Variants in VPS13C observed in about 807,000 individuals in gnomAD.
The protein encoded by VPS13C is intermembrane lipid transfer protein VPS13C.
In VPS13C, 358 loss-of-function variants were observed where a neutral mutation model predicts 456.8. That is an observed-to-expected ratio of 0.78 (90% CI 0.72 to 0.86). VPS13C has a LOEUF of 0.86. Ranked by LOEUF, VPS13C falls within the 40% of genes least tolerant of loss-of-function variation. The pLI, the probability that VPS13C is intolerant of heterozygous loss-of-function variation, is 0.00. For missense variants in VPS13C, 4,818 were observed against 4,385.4 expected, an observed-to-expected ratio of 1.10 and a Z score of -2.79; for synonymous variants, 1,578 against 1,486.7, an observed-to-expected ratio of 1.06 and a Z score of -1.41.
At chr15:61,914,541 C>A (rs2043402441) in intron 61 of VPS13C, among the ~76,000 whole-genome samples, 1 of 151,706 alleles carries the variant, frequency 6.6e-6, no homozygotes, top group African/African-American at 2.4e-5. Flanking sequence ...TGCACTCCAG[C>A]CTGGGCAACA....
Position 61,910,215 on chromosome 15 carries a change from G to A in VPS13C, c.8806C>T (p.Arg2936Ter), listed in dbSNP as rs148074630. 11 of 1,487,446 alleles carry A rather than the reference G, an allele frequency of 7.4e-6. No homozygotes were observed. The highest frequency in any genetic ancestry group is 2.6e-5 in the East Asian group (1 of 38,630). 92.1% of individuals were successfully genotyped at this position (1,487,446 alleles called of 1,614,324 possible). A position where few individuals can be genotyped will look rare whatever the true frequency, so the allele number is the denominator to read the frequency against. ...EGSSKPFFYN[R>*]QDNGTLLSLE... ...CTCAATAAAGTGCCATTATCCTGTC[G>A]GTTATAAAAGAATGGTTTGGAAGAT... Residue 2936 changes from arginine to a stop codon, truncating the protein, a stop_gained, in exon 64 of 85, where the codon CGA (arginine) becomes TGA (stop). Coordinates refer to ENST00000644861, the MANE Select transcript of VPS13C (RefSeq NM_020821.3). LOFTEE classifies it high-confidence loss of function.
At chr15:61,991,173 G>A (rs905264824) in intron 17 of VPS13C, 79 bp from the exon 18 acceptor site, 56 of 1,101,548 alleles carry the variant, frequency 5.1e-5, no homozygotes, top group Non-Finnish European at 6.7e-5. Context: ...AAACTAACAA[G>A]TATCCTAAAA....
intron 26 of VPS13C, 97 bp from the exon 27 acceptor site, chr15:61,972,861 T>C: frequency 7.6e-7 from 1 of 1,312,152 alleles, no homozygotes; most frequent in South Asian, 1.6e-5. Context: ...AATTCATTTA[T>C]TAGATATAAT....
At chr15:61,952,961 C>T (rs559914573) in intron 38 of VPS13C, among the ~76,000 whole-genome samples, 1 of 151,840 alleles carries the variant, frequency 6.6e-6, no homozygotes, top group South Asian at 2.1e-4. Context: ...TGAACTCAAG[C>T]GATCCTCCAG....
chr15:61,884,076 A>G, intron 68 of VPS13C, 52 bp downstream of exon 68: 1 of 1,520,194 alleles, frequency 6.6e-7, no homozygotes, highest in South Asian at 1.3e-5. Context: ...ACTTACTACC[A>G]CCACCAAGAA....
At chr15:61,996,658 C>G (rs1475106989) in intron 16 of VPS13C, among the ~76,000 whole-genome samples, 1 of 150,984 alleles carries the variant, frequency 6.6e-6, no homozygotes, top group Admixed American at 6.6e-5. Context: ...TAGAGAAATG[C>G]AAACTATAAA....
intron 30 of VPS13C, among the ~76,000 whole-genome samples, chr15:61,965,317 G>T (rs1267975250): frequency 6.6e-6 from 1 of 151,798 alleles, no homozygotes; most frequent in Non-Finnish European, 1.5e-5. Flanking sequence ...AATTATGAAT[G>T]GGTTACTAAG....
In VPS13C at chr15:62,028,252, A is replaced by G. The variant is rs1596499321; in HGVS notation, c.448+106T>C. On this transcript the variant is annotated intron_variant, in intron 6 of 84. Coordinates refer to ENST00000644861, the MANE Select transcript of VPS13C (RefSeq NM_020821.3). ...GGGGGAAAACAAAAATTGCATTTCC[A>G]TATTTTCTAAAAGGATGGCATGCCA... The G allele has an allele frequency of 1.9e-5, 23 of 1,232,616 alleles. No homozygotes were observed. In the East Asian group the frequency reaches 2.0e-4, roughly 10 times the overall value. The allele number at this position is 1,232,616 out of a possible 1,614,324, so 76.4% of individuals were successfully genotyped here.
chr15:61,988,878 A>C (rs1047803191), intron 18 of VPS13C, among the ~76,000 whole-genome samples: 11 of 152,186 alleles, frequency 7.2e-5, no homozygotes, highest in Non-Finnish European at 1.6e-4. Context: ...TCTTAACCCC[A>C]ACTTCACACC....
In VPS13C at chr15:61,978,744, G is replaced by A. The variant is rs780029848; in HGVS notation, c.2172C>T (p.Asn724=). ...LILDFGTFQL[N]SKDQGLQKTT... is the part of the protein sequence containing the mutation. ...TCTTCTGTAAACCTTGATCTTTACT[G>A]TTGAGCTAAAATGAAGGACAAATTT... Residue 724 remains asparagine (N), a synonymous_variant, in exon 23 of 85, where the codon AAC becomes AAT. Coordinates refer to ENST00000644861, the MANE Select transcript of VPS13C (RefSeq NM_020821.3). 2 of 1,587,650 alleles carry A rather than the reference G, an allele frequency of 1.3e-6. No individual in the cohort carries two copies. The highest frequency in any genetic ancestry group is 1.7e-6 in the Non-Finnish European group (2 of 1,170,806).
chr15:61,875,272 G>GT (rs913846592), intron 76 of VPS13C, among the ~76,000 whole-genome samples: 4 of 152,014 alleles, frequency 2.6e-5, no homozygotes, highest in Non-Finnish European at 5.9e-5. Context: ...GATAACAAGA[G>GT]TAAGAGCCCA....
At chr15:61,894,598 C>T (rs2042750033) in intron 66 of VPS13C, among the ~76,000 whole-genome samples, 1 of 151,450 alleles carries the variant, frequency 6.6e-6, no homozygotes, top group African/African-American at 2.4e-5. Flanking sequence ...TGCTTAGTTA[C>T]ATCAAATAAA....
intron 66 of VPS13C, among the ~76,000 whole-genome samples, chr15:61,904,757 A>C (rs530473063): frequency 6.6e-6 from 1 of 152,274 alleles, no homozygotes; most frequent in East Asian, 1.9e-4. Context: ...TGAATGGATA[A>C]AGAAAATGTG....
At chr15:61,926,429 T>C (rs1287063027) in intron 52 of VPS13C, among the ~76,000 whole-genome samples, 3 of 152,156 alleles carry the variant, frequency 2.0e-5, no homozygotes, top group Non-Finnish European at 2.9e-5. Context: ...GAAGAGCTAA[T>C]TGATATAAAC....
intron 79 of VPS13C, among the ~76,000 whole-genome samples, chr15:61,870,964 T>C (rs1894979799): frequency 6.6e-6 from 1 of 152,194 alleles, no homozygotes; most frequent in Non-Finnish European, 1.5e-5. Flanking sequence ...TGTTGTCTTT[T>C]TATTGTTGAT....
At chr15:61,909,872 C>G (rs898719763) in intron 64 of VPS13C, among the ~76,000 whole-genome samples, 1 of 149,348 alleles carries the variant, frequency 6.7e-6, no homozygotes, top group Non-Finnish European at 1.5e-5. Flanking sequence ...CAAACTATGG[C>G]AAGGACAAAA....
At chr15:61,898,311 T>C (rs977578411) in intron 66 of VPS13C, among the ~76,000 whole-genome samples, 5 of 151,994 alleles carry the variant, frequency 3.3e-5, no homozygotes, top group East Asian at 1.9e-4. Context: ...GACTGGCAAA[T>C]TGGATAAAGA....
intron 64 of VPS13C, 83 bp from the exon 65 acceptor site, chr15:61,909,208 C>A: frequency 6.5e-7 from 1 of 1,541,426 alleles, no homozygotes; most frequent in Non-Finnish European, 8.8e-7. Flanking sequence ...ACGTAAAACA[C>A]AAAAGCTTTG....
Position 61,951,808 on chromosome 15 carries a change from A to T in VPS13C, c.4456+16T>A. The T allele has an allele frequency of 6.2e-7, 1 of 1,600,972 alleles. No homozygotes were observed. On this transcript the variant is annotated intron_variant, in intron 39 of 84. Transcript: ENST00000644861. ...TGCCTAATGAATAATTTACACAGACAATATTTCACACTTACCAGTGAAATC... is the reference window on the plus strand; with the variant it reads ...TGCCTAATGAATAATTTACACAGACTATATTTCACACTTACCAGTGAAATC...
Sources: allele counts gnomAD v4.1 joint callset (sites outside exome capture counted in the v4.1 genomes callset), GRCh38; gene constraint gnomAD v4.1.1; transcripts MANE v1.5; gene names NCBI Gene and HGNC (gene_info 2026-07-23, HGNC 2026-07-21).